The following KRT73 variants were observed in gnomAD, a reference collection of about 807,000 sequenced individuals.
The protein encoded by KRT73 is keratin 73, also known as keratin, type II cytoskeletal 73.
A neutral mutation model predicts 47.2 loss-of-function variants in KRT73; 44 were observed. That is an observed-to-expected ratio of 0.93 (90% confidence interval 0.73 to 1.20). The LOEUF (loss-of-function observed/expected upper bound fraction) is 1.20, where lower values mean the gene tolerates loss of function less well. Ranked by LOEUF, KRT73 falls within the 50% of genes most tolerant of loss-of-function variation. The pLI is 0.00. For missense variants in KRT73, 713 were observed against 704.5 expected (o/e 1.01, Z -0.14); for synonymous variants, 285 against 291.3 (o/e 0.98, Z 0.22).
chr12:52,614,380 G>A (rs372807945), intron 4 of KRT73, 199 bp downstream of exon 4: 124 of 506,532 alleles, frequency 2.4e-4, no homozygotes, highest in African/African-American at 2.2e-3. Flanking sequence ...GGAAGTGAAA[G>A]CAGGACATCC....
upstream of KRT73, among the ~76,000 whole-genome samples, chr12:52,620,351 G>C (rs1026599464): frequency 6.6e-6 from 1 of 151,964 alleles, no homozygotes; most frequent in Non-Finnish European, 1.5e-5. Context: ...TGATCTGCCC[G>C]CCTCAGTCTC....
chr12:52,614,512 G>A (rs941392915), intron 4 of KRT73, 67 bp downstream of exon 4: 2 of 1,378,552 alleles, frequency 1.5e-6, no homozygotes, highest in African/African-American at 2.9e-5. Context: ...AGATAAGTAA[G>A]AAACTGTTCA....
At chr12:52,616,425 G>A (rs772365675) in intron 1 of KRT73, 45 bp from the exon 2 acceptor site, 90 of 1,600,374 alleles carry the variant, frequency 5.6e-5, no homozygotes, top group Non-Finnish European at 7.4e-5. Context: ...GAGAGGGGAT[G>A]TGAGAATTCC....
rs1356524929 is a variant in KRT73, at chr12:52,610,697, A to G, written c.1249T>C (p.Tyr417His). 1 of 1,613,602 alleles carries G rather than the reference A, an allele frequency of 6.2e-7. No individual in the cohort carries two copies. The highest frequency in any genetic ancestry group is 8.5e-7 in the Non-Finnish European group (1 of 1,179,948). ...KEELARMLRE[Y>H]QELLSVKLSL... ...AGCTTCACGCTCAAAAGCTCTTGGT[A>G]CTCGCGCAGCATCCGTGCCAGCTCC... Residue 417 changes from tyrosine (Y) to histidine (H), a missense_variant, in exon 7 of 9, where the codon TAC (tyrosine) becomes CAC (histidine). Transcript: ENST00000305748.
the KRT73 span, among the ~76,000 whole-genome samples, chr12:52,627,459 A>G: frequency 6.6e-6 from 1 of 152,142 alleles, no homozygotes; most frequent in African/African-American, 2.4e-5. Flanking sequence ...TGCTGCTCAA[A>G]ACAGAGCTCA....
chr12:52,616,427 G>A, intron 1 of KRT73, 47 bp from the exon 2 acceptor site: 1 of 1,599,190 alleles, frequency 6.3e-7, no homozygotes, highest in Non-Finnish European at 8.6e-7. Context: ...GAGGGGATGT[G>A]AGAATTCCCT....
chr12:52,613,521 A>C, intron 5 of KRT73, 167 bp downstream of exon 5: 1 of 1,332,262 alleles, frequency 7.5e-7, no homozygotes, highest in Non-Finnish European at 9.9e-7. Context: ...AGTGGGTGCC[A>C]AGGACAGAGC....
chr12:52,609,648 A>C (rs1940653501), intron 7 of KRT73, among the ~76,000 whole-genome samples: 4 of 152,194 alleles, frequency 2.6e-5, no homozygotes, highest in African/African-American at 9.6e-5. Context: ...GAACTGTATG[A>C]TTTTGGGGCA....
At chr12:52,609,845 A>G (rs1260885063) in intron 7 of KRT73, 1 of 153,130 alleles carries the variant, frequency 6.5e-6, no homozygotes, top group African/African-American at 2.4e-5. Flanking sequence ...TTTAAAAAGA[A>G]GTTTTTTATC....
chr12:52,608,856 G>A (rs968600267), intron 8 of KRT73, among the ~76,000 whole-genome samples: 1 of 152,172 alleles, frequency 6.6e-6, no homozygotes, highest in Non-Finnish European at 1.5e-5. Flanking sequence ...AACCCTGTGG[G>A]GCCAGCATTA....
intron 4 of KRT73, chr12:52,614,318 T>G: frequency 2.3e-6 from 1 of 435,940 alleles, no homozygotes; most frequent in Non-Finnish European, 4.0e-6. Context: ...GGAATGAGAA[T>G]ATGCTTGGCT....
At chr12:52,629,728 G>A in the KRT73 span, among the ~76,000 whole-genome samples, 10 of 152,308 alleles carry the variant, frequency 6.6e-5, no homozygotes, top group South Asian at 8.3e-4. Context: ...ATCCTCTCAC[G>A]GGGCTCAGAG....
intron 4 of KRT73, chr12:52,614,337 G>A: frequency 4.3e-6 from 2 of 466,908 alleles, no homozygotes; most frequent in Non-Finnish European, 7.5e-6. Context: ...CTGAAGTTCA[G>A]TGGGAACCCT....
At chr12:52,609,354 G>T in intron 7 of KRT73, 73 bp from the exon 8 acceptor site, 4 of 1,309,528 alleles carry the variant, frequency 3.1e-6, no homozygotes, top group Non-Finnish European at 4.4e-6. Context: ...CCTAAACACA[G>T]GCTGGGGATC....
the KRT73 span, among the ~76,000 whole-genome samples, chr12:52,626,232 C>T: frequency 6.6e-6 from 1 of 152,222 alleles, no homozygotes; most frequent in African/African-American, 2.4e-5. Context: ...GTTCAGTTAA[C>T]ACACAGTTTA....
intron 3 of KRT73, chr12:52,614,965 C>T (rs962776652): frequency 1.1e-5 from 6 of 529,330 alleles, no homozygotes; most frequent in African/African-American, 1.9e-5. Context: ...AGGACAGCCA[C>T]GGCGATTTGC....
At chr12:52,623,405 A>G (rs1940929660), upstream of KRT73, among the ~76,000 whole-genome samples, 1 of 152,238 alleles carries the variant, frequency 6.6e-6, no homozygotes, top group African/African-American at 2.4e-5. Context: ...TGAAGACAAA[A>G]TGAAAACATT....
intron 1 of KRT73, 75 bp from the exon 2 acceptor site, chr12:52,616,455 G>GT: frequency 3.2e-6 from 5 of 1,559,868 alleles, no homozygotes; most frequent in Non-Finnish European, 4.4e-6. Flanking sequence ...CAGGAACTGT[G>GT]TTTTCTTATG....
At chr12:52,612,294 C>G (rs1272407519) in intron 5 of KRT73, 1 of 152,216 alleles carries the variant, frequency 6.6e-6, no homozygotes, top group African/African-American at 2.4e-5. Context: ...TTTAGGTCAT[C>G]TACTAATTCG....
Sources: allele counts gnomAD v4.1 joint callset (sites outside exome capture counted in the v4.1 genomes callset), GRCh38; gene constraint gnomAD v4.1.1; transcripts MANE v1.5; gene names NCBI Gene and HGNC (gene_info 2026-07-23, HGNC 2026-07-21).